The following CCDC73 variants were observed in gnomAD, a reference collection of about 807,000 sequenced individuals.
CCDC73 encodes the protein coiled-coil domain containing 73.
CCDC73 carries 95 observed loss-of-function variants against 116.5 expected under a neutral mutation model. That is an observed-to-expected ratio of 0.82 (90% CI 0.69 to 0.97). The LOEUF (loss-of-function observed/expected upper bound fraction) is 0.97, where lower values mean the gene tolerates loss of function less well. Ranked by LOEUF, CCDC73 falls within the 50% of genes least tolerant of loss-of-function variation. The pLI, the probability that CCDC73 is intolerant of heterozygous loss-of-function variation, is 0.00. For missense variants in CCDC73, 1,066 were observed against 1,206.8 expected (o/e 0.88, Z 1.73); for synonymous variants, 398 against 401.3 (o/e 0.99, Z 0.10).
In CCDC73 at chr11:32,602,961, C is replaced by T. The variant is rs1475113972; in HGVS notation, c.3090G>A (p.Thr1030=). 5.6e-6 allele frequency: 9 copies of T among 1,613,472 alleles called. No homozygotes were observed. Among genetic ancestry groups the T allele is most frequent in the Middle Eastern group, 1.7e-4 (1 of 6,056 alleles). ...CATCATCACCAGAAGTATTTTTAGT[C>T]GTCTTGATTGCCTGCAAATGGCTTT... ...PLQSHLQAIK[T]TKNTSGDDDW... The change falls in exon 18 of 18, where the codon ACG becomes ACA. Residue 1030 remains threonine (T), a synonymous_variant. Coordinates refer to ENST00000335185, the MANE Select transcript of CCDC73 (RefSeq NM_001008391.4).
chr11:32,712,278 G>A (rs1479609471), intron 3 of CCDC73, among the ~76,000 whole-genome samples: 1 of 152,118 alleles, frequency 6.6e-6, no homozygotes, highest in Non-Finnish European at 1.5e-5. Context: ...GAGGCCTGGG[G>A]TGGAGGGAAG....
the CCDC73 span, among the ~76,000 whole-genome samples, chr11:32,811,844 G>A: frequency 6.6e-6 from 1 of 152,140 alleles, no homozygotes; most frequent in Admixed American, 6.5e-5. Context: ...CCAGCATCGC[G>A]ATCACATTTT....
At chr11:32,628,449 G>A (rs1295176741) in intron 14 of CCDC73, among the ~76,000 whole-genome samples, 1 of 152,190 alleles carries the variant, frequency 6.6e-6, no homozygotes, top group Non-Finnish European at 1.5e-5. Flanking sequence ...GGACATGTGA[G>A]TAGTAAAAGT....
In CCDC73 at chr11:32,614,743, G is replaced by T. The variant is rs2133221628; in HGVS notation, c.1575C>A (p.Asp525Glu). Residue 525 changes from aspartate (D) to glutamate (E), a missense_variant, in exon 16 of 18, where the codon GAC becomes GAA. By Grantham distance (45) the Asp-to-Glu change is conservative. Transcript: ENST00000335185. ...EIKDKICLEK[D>E]NGCTEFKSPN... ...GTGATTTAAATTCTGTACATCCATTGTCTTTTTCCAAGCATATCTTGTCTT... is the reference window on the plus strand; with the variant it reads ...GTGATTTAAATTCTGTACATCCATTTTCTTTTTCCAAGCATATCTTGTCTT... The T allele has an allele frequency of 1.2e-6, 2 of 1,612,586 alleles. No individual in the cohort carries two copies. The highest frequency in any genetic ancestry group is 1.1e-5 in the South Asian group (1 of 91,022).
chr11:32,747,742 T>C (rs1590627889), intron 2 of CCDC73, among the ~76,000 whole-genome samples: 1 of 152,188 alleles, frequency 6.6e-6, no homozygotes, highest in African/African-American at 2.4e-5. Flanking sequence ...TCCATGGGCG[T>C]TGGACCTGCC....
chr11:32,817,752 C>T, the CCDC73 span, among the ~76,000 whole-genome samples: 2 of 152,144 alleles, frequency 1.3e-5, no homozygotes, highest in Non-Finnish European at 2.9e-5. Context: ...TTATTTAAGA[C>T]TCCACTTTCC....
At chr11:32,731,904 A>T (rs1457387027) in intron 2 of CCDC73, among the ~76,000 whole-genome samples, 2 of 152,224 alleles carry the variant, frequency 1.3e-5, no homozygotes, top group African/African-American at 4.8e-5. Context: ...ACAAAGCTGG[A>T]CGGAGAATGA....
At position 32,794,573 on chromosome 11, in the gene CCDC73, T is replaced by C. The variant is rs1342052713; in HGVS notation, c.-16+40A>G. On this transcript the variant is annotated intron_variant, in intron 1 of 17. Coordinates refer to ENST00000335185, the MANE Select transcript of CCDC73 (RefSeq NM_001008391.4). ...GCATGAAAAGATTAGGGCTGCTTCCTAAACAGCCCAACTACACGCTTGTGA... is the reference window on the plus strand; with the variant it reads ...GCATGAAAAGATTAGGGCTGCTTCCCAAACAGCCCAACTACACGCTTGTGA... 2.6e-5 allele frequency: 4 copies of C among 152,236 alleles called. No homozygotes were observed. The East Asian group carries it at 7.7e-4, about 29-fold the overall frequency. 9.4% of individuals were successfully genotyped at this position (152,236 alleles called of 1,614,324 possible). A position where few individuals can be genotyped will look rare whatever the true frequency, so the allele number is the denominator to read the frequency against.
chr11:32,825,590 T>C, the CCDC73 span, among the ~76,000 whole-genome samples: 1 of 152,272 alleles, frequency 6.6e-6, no homozygotes, highest in Admixed American at 6.5e-5. Context: ...GCGTGAGCGC[T>C]TGGCCTCTGA....
chr11:32,698,624 G>A (rs373320082), intron 6 of CCDC73, among the ~76,000 whole-genome samples: 105 of 152,154 alleles, frequency 6.9e-4, no homozygotes, highest in Non-Finnish European at 1.4e-3. Context: ...CATGAATATC[G>A]TCTTCCCAAC....
intron 9 of CCDC73, among the ~76,000 whole-genome samples, chr11:32,657,075 A>G (rs1315055094): frequency 6.6e-6 from 1 of 152,232 alleles, no homozygotes; most frequent in Non-Finnish European, 1.5e-5. Flanking sequence ...TTCATAGATT[A>G]GAGAAGAAGC....
At chr11:32,758,611 T>C (rs913153042) in intron 2 of CCDC73, 1 of 367,870 alleles carries the variant, frequency 2.7e-6, no homozygotes, top group Non-Finnish European at 5.4e-6. Context: ...GTTTGAAAGC[T>C]AAATTTTAAA....
chr11:32,606,205 G>A (rs1006479611), intron 17 of CCDC73: 9 of 152,158 alleles, frequency 5.9e-5, no homozygotes, highest in African/African-American at 9.7e-5. Context: ...GAATTTAACA[G>A]AATTGATGTG....
At chr11:32,697,629 G>T (rs4756170) in intron 6 of CCDC73, among the ~76,000 whole-genome samples, 1 of 151,418 alleles carries the variant, frequency 6.6e-6, no homozygotes, top group Non-Finnish European at 1.5e-5. Context: ...GACTAGAGGC[G>T]CCTGCCACCA....
the CCDC73 span, among the ~76,000 whole-genome samples, chr11:32,808,995 T>C: frequency 6.6e-6 from 1 of 152,228 alleles, no homozygotes; most frequent in African/African-American, 2.4e-5. Context: ...ATATAATAGA[T>C]AGAATTCCAT....
At chr11:32,654,070 A>G (rs1373140393) in intron 10 of CCDC73, 33 bp from the exon 11 acceptor site, 19 of 1,555,922 alleles carry the variant, frequency 1.2e-5, no homozygotes, top group Non-Finnish European at 1.6e-5. Context: ...AAGTTATGAT[A>G]TAAAATTCAG....
rs1225713973 is a variant in CCDC73, at chr11:32,613,568, T to C, written c.2750A>G (p.Glu917Gly). 4 of 1,614,024 alleles carry C rather than the reference T, an allele frequency of 2.5e-6. No homozygotes were observed. The highest frequency in any genetic ancestry group is 2.7e-5 in the African/African-American group (2 of 74,918). The change falls in exon 16 of 18, where the codon GAA (glutamate) becomes GGA (glycine). Residue 917 changes from glutamate to glycine, a missense_variant. Coordinates refer to ENST00000335185, the MANE Select transcript of CCDC73 (RefSeq NM_001008391.4). ...PGPWSKVNHI[E>G]SQTASSSTPC... is the part of the protein sequence containing the mutation. The stretch of plus-strand genomic sequence containing the variant: ...GGTCGAACTGCTCGCTGTTTGACTT[T>C]CAATGTGATTTACTTTTGACCAAGG...
chr11:32,721,833 G>A lies in CCDC73; in HGVS notation c.136-3686C>T, dbSNP rs900595536. ...AGGATGGTCTCAATCTCCTGACCTCGTGATCTGCTCGCCTCGGCCTCCCAA... is the reference window on the plus strand; with the variant it reads ...AGGATGGTCTCAATCTCCTGACCTCATGATCTGCTCGCCTCGGCCTCCCAA... On this transcript the variant is annotated intron_variant, in intron 2 of 17. Coordinates refer to ENST00000335185, the MANE Select transcript of CCDC73 (RefSeq NM_001008391.4). Among the ~76,000 whole-genome samples, 7 of 151,930 alleles carry A rather than the reference G, an allele frequency of 4.6e-5. No individual in the cohort carries two copies. In the South Asian group the frequency reaches 1.5e-3, roughly 32 times the overall value.
intron 3 of CCDC73, among the ~76,000 whole-genome samples, chr11:32,703,769 T>G (rs1849832280): frequency 6.6e-6 from 1 of 152,344 alleles, no homozygotes; most frequent in South Asian, 2.1e-4. Context: ...TCCATTTCTT[T>G]TTTTCTCCTT....
Sources: allele counts gnomAD v4.1 joint callset (sites outside exome capture counted in the v4.1 genomes callset), GRCh38; gene constraint gnomAD v4.1.1; transcripts MANE v1.5; gene names NCBI Gene and HGNC (gene_info 2026-07-23, HGNC 2026-07-21).